Variants in RNF152 observed in about 807,000 individuals in gnomAD.
RNF152 encodes E3 ubiquitin-protein ligase RNF152.
RNF152 carries 11 observed loss-of-function variants against 12.7 expected under a neutral mutation model. That is an observed-to-expected ratio of 0.86 (90% CI 0.54 to 1.43). The LOEUF (loss-of-function observed/expected upper bound fraction) is 1.43, where lower values mean the gene tolerates loss of function less well. Ranked by LOEUF, RNF152 falls within the 40% of genes most tolerant of loss-of-function variation. The pLI is 0.00. For missense variants in RNF152, 255 were observed against 274.8 expected, an observed-to-expected ratio of 0.93 and a Z score of 0.51; for synonymous variants, 113 against 120.3, an observed-to-expected ratio of 0.94 and a Z score of 0.40.
intron 1 of RNF152, among the ~76,000 whole-genome samples, chr18:61,833,396 G>C (rs1023800018): frequency 3.3e-5 from 5 of 152,192 alleles, no homozygotes; most frequent in African/African-American, 1.2e-4. Flanking sequence ...AAGCCTCAAA[G>C]AATCCAAATT....
chr18:61,835,779 A>G (rs548611169), intron 1 of RNF152, among the ~76,000 whole-genome samples: 1 of 152,310 alleles, frequency 6.6e-6, no homozygotes, highest in Non-Finnish European at 1.5e-5. Context: ...AGCAGTCTTG[A>G]ACTTTACCTA....
chr18:61,828,559 G>A (rs1465678499), intron 1 of RNF152, among the ~76,000 whole-genome samples: 1 of 152,106 alleles, frequency 6.6e-6, no homozygotes, highest in Non-Finnish European at 1.5e-5. Context: ...AGAGTAGCTG[G>A]GACTACAGGT....
At position 61,812,083 on chromosome 18, in the gene RNF152, C is replaced by T. The variant is rs1908831176; in HGVS notation, c.*3769G>A. On this transcript the variant is annotated 3_prime_UTR_variant, in exon 2 of 2. Transcript: ENST00000312828. ...ACTAGCCCACAAACTCTCACCTTAGCCTCACTGTTACTCCATTAATACCTT... is the reference window on the plus strand; with the variant it reads ...ACTAGCCCACAAACTCTCACCTTAGTCTCACTGTTACTCCATTAATACCTT... The T allele has an allele frequency of 6.6e-6, 1 of 152,156 alleles. No individual in the cohort carries two copies. Among genetic ancestry groups the T allele is most frequent in the African/African-American group, 2.4e-5 (1 of 41,420 alleles). The allele number at this position is 152,156 out of a possible 1,614,324, so 9.4% of individuals were successfully genotyped here.
chr18:61,847,692 T>C (rs1367993566), intron 1 of RNF152, among the ~76,000 whole-genome samples: 1 of 152,192 alleles, frequency 6.6e-6, no homozygotes, highest in East Asian at 1.9e-4. Flanking sequence ...TTCCTCGGGT[T>C]TCTCATAGGC....
intron 1 of RNF152, among the ~76,000 whole-genome samples, chr18:61,852,186 TC>T (rs1329298594): frequency 6.6e-6 from 1 of 152,196 alleles, no homozygotes; most frequent in Non-Finnish European, 1.5e-5. Flanking sequence ...TGATTATTTC[TC>T]CTCCAAACTG....
chr18:61,839,029 T>C (rs1211555410), intron 1 of RNF152, among the ~76,000 whole-genome samples: 1 of 148,632 alleles, frequency 6.7e-6, no homozygotes, highest in Non-Finnish European at 1.5e-5. Context: ...GTAAACATAA[T>C]GTTCATCAGA....
intron 1 of RNF152, among the ~76,000 whole-genome samples, chr18:61,831,341 T>C (rs1183921357): frequency 6.6e-6 from 1 of 152,190 alleles, no homozygotes; most frequent in Admixed American, 6.5e-5. Context: ...ATCTTTCCCT[T>C]TGCTGCTTAT....
At chr18:61,847,029 A>T (rs986396919) in intron 1 of RNF152, among the ~76,000 whole-genome samples, 4 of 152,216 alleles carry the variant, frequency 2.6e-5, no homozygotes, top group African/African-American at 9.6e-5. Flanking sequence ...AAATGGGGGT[A>T]AGTAGCAAGG....
chr18:61,887,132 A>G (rs919633598), intron 1 of RNF152, among the ~76,000 whole-genome samples: 2 of 152,218 alleles, frequency 1.3e-5, no homozygotes, highest in Non-Finnish European at 2.9e-5. Context: ...GCAAAAGTCG[A>G]GGTTGGAAAG....
chr18:61,822,341 GTGT>G (rs1654574727), intron 1 of RNF152, among the ~76,000 whole-genome samples: 1 of 152,146 alleles, frequency 6.6e-6, no homozygotes, highest in African/African-American at 2.4e-5. Context: ...AGGGGTCTTT[GTGT>G]TGTTGTTGCT....
At chr18:61,853,253 G>A (rs1911066892) in intron 1 of RNF152, among the ~76,000 whole-genome samples, 2 of 147,288 alleles carry the variant, frequency 1.4e-5, no homozygotes, top group Non-Finnish European at 3.0e-5. Context: ...TGGCAGAGCT[G>A]TTTCTTTCTG....
chr18:61,881,028 C>A (rs920163527), intron 1 of RNF152, among the ~76,000 whole-genome samples: 1 of 151,610 alleles, frequency 6.6e-6, no homozygotes, highest in African/African-American at 2.4e-5. Context: ...ATTCTCCCAT[C>A]TCAGCCTCCC....
chr18:61,854,021 T>C lies in RNF152; in HGVS notation c.-135-37423A>G, dbSNP rs147911575. Among the ~76,000 whole-genome samples the C allele has an allele frequency of 7.0e-3, 1,064 of 152,270 alleles. 6 individuals carry two copies. The highest frequency in any genetic ancestry group is 0.012 in the Non-Finnish European group (805 of 68,008). On this transcript the variant is annotated intron_variant, in intron 1 of 1. Coordinates refer to ENST00000312828, the MANE Select transcript of RNF152 (RefSeq NM_173557.3). ...GAGGTCCAGGGTTGACTTGCCCAGGTCCACACCTGGAAATGAGCCAAGCTG... is the reference window on the plus strand; with the variant it reads ...GAGGTCCAGGGTTGACTTGCCCAGGCCCACACCTGGAAATGAGCCAAGCTG...
At chr18:61,820,797 T>G (rs1909365473) in intron 1 of RNF152, among the ~76,000 whole-genome samples, 1 of 152,184 alleles carries the variant, frequency 6.6e-6, no homozygotes, top group African/African-American at 2.4e-5. Flanking sequence ...GGGAAGTAGC[T>G]CAGCAGAGTG....
chr18:61,837,129 G>A (rs765024702), intron 1 of RNF152, among the ~76,000 whole-genome samples: 57 of 152,290 alleles, frequency 3.7e-4, no homozygotes, highest in African/African-American at 1.3e-3. Context: ...CTAAATGTTC[G>A]TCTTGCATCC....
chr18:61,837,475 T>C (rs1910240129), intron 1 of RNF152, among the ~76,000 whole-genome samples: 1 of 152,244 alleles, frequency 6.6e-6, no homozygotes, highest in Non-Finnish European at 1.5e-5. Flanking sequence ...GGGTAAAACG[T>C]CATGATGTCT....
intron 1 of RNF152, among the ~76,000 whole-genome samples, chr18:61,846,598 G>A (rs1289990969): frequency 6.6e-6 from 1 of 152,186 alleles, no homozygotes; most frequent in African/African-American, 2.4e-5. Context: ...TCTCCTGAGT[G>A]ATTCCTTACT....
rs1555702316 is a variant in RNF152 at position 61,844,090 on chromosome 18, G to GAAAGAAAGAAAGAAAGAA, written c.-135-27510_-135-27493dup. 3.4e-4 allele frequency among the ~76,000 whole-genome samples: 31 copies of GAAAGAAAGAAAGAAAGAA among 91,852 alleles called. 1 individual carries two copies. Among genetic ancestry groups the GAAAGAAAGAAAGAAAGAA allele is most frequent in the Middle Eastern group, 5.6e-3 (1 of 180 alleles). 60.3% of individuals were successfully genotyped at this position (91,852 alleles called of 152,430 possible). ...GACAGAAAGAAAGGAAAGAAAGAAA[G>GAAAGAAAGAAAGAAAGAA]AAAGAAAGAAAGAAAGAAAGAAAGA... On this transcript the variant is annotated intron_variant, in intron 1 of 1. Transcript: ENST00000312828.
At chr18:61,845,590 T>A (rs1057019710) in intron 1 of RNF152, among the ~76,000 whole-genome samples, 1 of 152,218 alleles carries the variant, frequency 6.6e-6, no homozygotes, top group African/African-American at 2.4e-5. Flanking sequence ...CATTTTAAAA[T>A]GGTAGATACA....
Sources: gnomAD v4.1 joint callset for allele counts (sites outside exome capture counted in the v4.1 genomes callset) on GRCh38, gnomAD v4.1.1 for gene constraint, MANE v1.5 for transcripts, NCBI Gene and HGNC (gene_info 2026-07-23, HGNC 2026-07-21) for gene names.